GTF2H1: variants seen among roughly 807,000 people sequenced by gnomAD.
The protein encoded by GTF2H1 is BTF2 p62.
A neutral mutation model predicts 71.2 loss-of-function variants in GTF2H1; 16 were observed. The ratio of observed to expected loss-of-function variants is 0.22; its 90% CI spans 0.15 to 0.34. The LOEUF (loss-of-function observed/expected upper bound fraction) is 0.34, where lower values mean the gene tolerates loss of function less well. GTF2H1 is among the 10% of genes least tolerant of loss of function. GTF2H1 has a pLI of 1.00. For missense variants in GTF2H1, 498 were observed against 648.2 expected (o/e 0.77, Z 2.52); for synonymous variants, 215 against 219.0 (o/e 0.98, Z 0.16).
intron 3 of GTF2H1, 118 bp from the exon 4 acceptor site, chr11:18,337,991 A>T (rs1049953253): frequency 4.6e-6 from 3 of 652,174 alleles, no homozygotes; most frequent in Non-Finnish European, 7.9e-6. Context: ...CTGCTCAAAC[A>T]TCACAAAATA....
intron 11 of GTF2H1, among the ~76,000 whole-genome samples, chr11:18,357,440 G>GT (rs1455763711): frequency 6.6e-6 from 1 of 152,004 alleles, no homozygotes; most frequent in Non-Finnish European, 1.5e-5. Context: ...AAAGCCAGGT[G>GT]CGGAGTACAC....
intron 7 of GTF2H1, among the ~76,000 whole-genome samples, chr11:18,343,973 C>T (rs1010586627): frequency 5.9e-5 from 9 of 152,220 alleles, no homozygotes; most frequent in African/African-American, 1.9e-4. Flanking sequence ...GGGACTGTAG[C>T]ACAGGCTACC....
At chr11:18,341,882 T>TTCTCTA in intron 7 of GTF2H1, 1 of 292,632 alleles carries the variant, frequency 3.4e-6, no homozygotes, top group Non-Finnish European at 6.4e-6. Flanking sequence ...AGGCTTAATG[T>TTCTCTA]GATGAGTTCA....
intron 11 of GTF2H1, among the ~76,000 whole-genome samples, chr11:18,357,240 G>A (rs1357895957): frequency 1.3e-5 from 2 of 152,142 alleles, no homozygotes; most frequent in African/African-American, 4.8e-5. Flanking sequence ...TACAGTACCT[G>A]GCACTTGATA....
intron 1 of GTF2H1, among the ~76,000 whole-genome samples, chr11:18,332,175 A>C (rs191442976): frequency 1.3e-5 from 2 of 152,176 alleles, no homozygotes; most frequent in Non-Finnish European, 1.5e-5. Context: ...GTAAAGCTTC[A>C]CTTATTTGCC....
At chr11:18,361,484 C>T (rs1376366976) in intron 14 of GTF2H1, among the ~76,000 whole-genome samples, 1 of 152,180 alleles carries the variant, frequency 6.6e-6, no homozygotes, top group Admixed American at 6.5e-5. Context: ...TTCTGGCCAA[C>T]ATGGCGAAAC....
In GTF2H1 at chr11:18,366,129, A is replaced by G; in HGVS notation, c.*260A>G. 2.1e-6 allele frequency: 1 copy of G among 479,688 alleles called. No homozygotes were observed. The highest frequency in any genetic ancestry group is 3.7e-6 in the Non-Finnish European group (1 of 266,988). 29.7% of individuals were successfully genotyped at this position (479,688 alleles called of 1,614,324 possible). On this transcript the variant is annotated 3_prime_UTR_variant, in exon 15 of 15. Coordinates refer to ENST00000265963, the MANE Select transcript of GTF2H1 (RefSeq NM_005316.4). ...AATATATATATATACACACACACAC[A>G]TATATGTACATGTGTATGTACATAT... is the stretch of plus-strand genomic sequence containing the variant.
At chr11:18,365,056 T>TC (rs1206660666) in intron 14 of GTF2H1, among the ~76,000 whole-genome samples, 4 of 131,198 alleles carry the variant, frequency 3.0e-5, no homozygotes, top group African/African-American at 1.2e-4. Flanking sequence ...ATAGCAAGAG[T>TC]CCATCTCCAC....
intron 7 of GTF2H1, among the ~76,000 whole-genome samples, chr11:18,342,392 G>A (rs1378832920): frequency 6.6e-6 from 1 of 151,040 alleles, no homozygotes; most frequent in Non-Finnish European, 1.5e-5. Flanking sequence ...CTCCCAAGTA[G>A]CTGGAATTAC....
chr11:18,362,119 T>G (rs1865717233), intron 14 of GTF2H1, among the ~76,000 whole-genome samples: 1 of 152,206 alleles, frequency 6.6e-6, no homozygotes, highest in African/African-American at 2.4e-5. Context: ...ACTATACTTC[T>G]AGGCTATATG....
chr11:18,362,985 A>T (rs1192256886), intron 14 of GTF2H1, among the ~76,000 whole-genome samples: 1 of 151,504 alleles, frequency 6.6e-6, no homozygotes, highest in African/African-American at 2.4e-5. Context: ...TTCTATTTTT[A>T]ATTTTTTTTT....
chr11:18,345,296 CCT>C (rs1256190459), intron 7 of GTF2H1, among the ~76,000 whole-genome samples: 1 of 151,918 alleles, frequency 6.6e-6, no homozygotes, highest in African/African-American at 2.4e-5. Flanking sequence ...ATCATGTTAC[CCT>C]CTGTTTTATT....
intron 11 of GTF2H1, among the ~76,000 whole-genome samples, chr11:18,356,992 C>T (rs1865568920): frequency 6.6e-6 from 1 of 151,882 alleles, no homozygotes; most frequent in Non-Finnish European, 1.5e-5. Context: ...AGGGTTTCAC[C>T]ATATTGCCCA....
intron 11 of GTF2H1, among the ~76,000 whole-genome samples, chr11:18,354,445 C>T (rs1270943428): frequency 6.6e-6 from 1 of 152,016 alleles, no homozygotes; most frequent in Non-Finnish European, 1.5e-5. Context: ...ATATTATTAT[C>T]TTTAGAGACA....
In GTF2H1 at chr11:18,360,496, A is replaced by T. The variant is rs565737860; in HGVS notation, c.1468-119A>T. 324 of 541,530 alleles carry T rather than the reference A, an allele frequency of 6.0e-4. 2 individuals carry two copies. The South Asian group carries it at 8.4e-3, about 14-fold the overall frequency. 33.5% of individuals were successfully genotyped at this position (541,530 alleles called of 1,614,324 possible). On this transcript the variant is annotated intron_variant, in intron 13 of 14. Transcript: ENST00000265963. The stretch of plus-strand genomic sequence containing the variant: ...GATATAATTGGTATATTTTTATTTT[A>T]TTTTTACATTTAAAAAAATTCTACA...
chr11:18,329,312 G>A (rs1418072896), intron 1 of GTF2H1, among the ~76,000 whole-genome samples: 2 of 152,144 alleles, frequency 1.3e-5, no homozygotes, highest in East Asian at 1.9e-4. Flanking sequence ...ATCATGTCCG[G>A]AACTGAATTC....
chr11:18,365,648 G>C (rs1865806499), intron 14 of GTF2H1, 135 bp from the exon 15 acceptor site: 1 of 641,242 alleles, frequency 1.6e-6, no homozygotes, highest in Non-Finnish European at 2.8e-6. Context: ...CAGAGGGCTT[G>C]CACATTACCT....
chr11:18,335,406 A>T (rs906947292), intron 2 of GTF2H1, among the ~76,000 whole-genome samples: 1 of 152,280 alleles, frequency 6.6e-6, no homozygotes, highest in Non-Finnish European at 1.5e-5. Context: ...GATAATGTTG[A>T]TTTGGGGCAG....
rs145500731 is a variant in GTF2H1, at chr11:18,327,228, A to G, written c.-16+4488A>G. 4.6e-5 allele frequency among the ~76,000 whole-genome samples: 7 copies of G among 152,004 alleles called. 1 individual carries two copies. The highest frequency in any genetic ancestry group is 1.4e-4 in the African/African-American group (6 of 41,506). On this transcript the variant is annotated intron_variant, in intron 1 of 14. Coordinates refer to ENST00000265963, the MANE Select transcript of GTF2H1 (RefSeq NM_005316.4). ...AAACATTTGGTTTGATAGAGAAGAA[A>G]CTCTTGGGAAGACTTTTTTTTTTAA...
Sources: gnomAD v4.1 joint callset for allele counts (sites outside exome capture counted in the v4.1 genomes callset) on GRCh38, gnomAD v4.1.1 for gene constraint, MANE v1.5 for transcripts, NCBI Gene and HGNC (gene_info 2026-07-23, HGNC 2026-07-21) for gene names.